MAN2A1: variants seen among roughly 807,000 people sequenced by gnomAD.
MAN2A1 encodes the protein alpha-mannosidase 2.
A neutral mutation model predicts 142.6 loss-of-function variants in MAN2A1; 76 were observed. The observed-to-expected ratio is 0.53, with a 90% CI of 0.44 to 0.65. The LOEUF (loss-of-function observed/expected upper bound fraction) is 0.65. Among genes scored for constraint, MAN2A1 ranks in the 30% least tolerant of loss-of-function variants. The pLI is 0.00. For synonymous variants in MAN2A1, 559 were observed against 473.2 expected, an observed-to-expected ratio of 1.18 and a Z score of -2.35; for missense variants, 1,311 against 1,365.1, an observed-to-expected ratio of 0.96 and a Z score of 0.62.
intron 12 of MAN2A1, among the ~76,000 whole-genome samples, chr5:109,800,038 A>G (rs1223680140): frequency 1.3e-5 from 2 of 151,182 alleles, no homozygotes; most frequent in Non-Finnish European, 2.9e-5. Context: ...CAGTGAGTCA[A>G]GATTGCGCCA....
At chr5:109,758,436 A>T (rs944612121) in intron 5 of MAN2A1, among the ~76,000 whole-genome samples, 1 of 151,584 alleles carries the variant, frequency 6.6e-6, no homozygotes, top group African/African-American at 2.4e-5. Flanking sequence ...TCTTTGTTGG[A>T]TAGTGATTTA....
At chr5:109,823,106 T>C (rs1023190047) in intron 15 of MAN2A1, among the ~76,000 whole-genome samples, 5 of 152,234 alleles carry the variant, frequency 3.3e-5, no homozygotes, top group Non-Finnish European at 7.3e-5. Context: ...CCATGTCACA[T>C]AAGTTATGTG....
At chr5:109,819,604 T>C in intron 13 of MAN2A1, 65 bp from the exon 14 acceptor site, 2 of 968,006 alleles carry the variant, frequency 2.1e-6, no homozygotes, top group Non-Finnish European at 2.9e-6. Flanking sequence ...ACCAAAAATA[T>C]AAATGGTTTG....
intron 19 of MAN2A1, among the ~76,000 whole-genome samples, chr5:109,852,329 TTCA>T (rs1382422750): frequency 2.6e-5 from 4 of 152,174 alleles, no homozygotes; most frequent in African/African-American, 9.7e-5. Flanking sequence ...GTGTTCTTCT[TTCA>T]TTTATTTATA....
At chr5:109,822,505 A>G (rs1754652880) in intron 15 of MAN2A1, among the ~76,000 whole-genome samples, 1 of 152,084 alleles carries the variant, frequency 6.6e-6, no homozygotes, top group South Asian at 2.1e-4. Flanking sequence ...GTGCATCAGA[A>G]AAAGGCAAGA....
At chr5:109,813,530 G>A (rs192176950) in intron 12 of MAN2A1, among the ~76,000 whole-genome samples, 1 of 152,350 alleles carries the variant, frequency 6.6e-6, no homozygotes, top group Non-Finnish European at 1.5e-5. Context: ...CCCCACAGGG[G>A]TTGCCCATGC....
intron 13 of MAN2A1, among the ~76,000 whole-genome samples, chr5:109,818,254 C>T (rs1420159241): frequency 2.0e-5 from 3 of 152,218 alleles, no homozygotes; most frequent in African/African-American, 7.2e-5. Flanking sequence ...GATTCTCCTG[C>T]CTCAGCCTCC....
intron 16 of MAN2A1, among the ~76,000 whole-genome samples, chr5:109,824,222 T>C (rs1462986124): frequency 6.6e-6 from 1 of 152,226 alleles, no homozygotes; most frequent in African/African-American, 2.4e-5. Context: ...AAATATAGCC[T>C]GTATCACTGG....
At position 109,716,611 on chromosome 5, in the gene MAN2A1, A is replaced by G. The variant is rs570063707; in HGVS notation, c.535+347A>G. On this transcript the variant is annotated intron_variant, in intron 3 of 21. Transcript: ENST00000261483. ...AAATTATTTCATGTCTATGAGGTCTACTTTTAGAAAAGGCAGAATACTCAT... is the reference window on the plus strand; with the variant it reads ...AAATTATTTCATGTCTATGAGGTCTGCTTTTAGAAAAGGCAGAATACTCAT... Among the ~76,000 whole-genome samples the G allele has an allele frequency of 1.2e-4, 18 of 152,366 alleles. 1 individual carries two copies. The South Asian group carries it at 3.5e-3, about 30-fold the overall frequency.
At chr5:109,705,942 A>C (rs1263718712) in intron 1 of MAN2A1, among the ~76,000 whole-genome samples, 1 of 152,144 alleles carries the variant, frequency 6.6e-6, no homozygotes, top group Non-Finnish European at 1.5e-5. Context: ...GCCTACTCAG[A>C]TATTCTAGGG....
At chr5:109,833,841 G>T (rs1396581528) in intron 16 of MAN2A1, among the ~76,000 whole-genome samples, 1 of 152,126 alleles carries the variant, frequency 6.6e-6, no homozygotes, top group Non-Finnish European at 1.5e-5. Context: ...AAGATCTACT[G>T]CCTGACAACC....
intron 5 of MAN2A1, among the ~76,000 whole-genome samples, chr5:109,760,235 G>T (rs1752806379): frequency 6.6e-6 from 1 of 152,102 alleles, no homozygotes; most frequent in Admixed American, 6.6e-5. Context: ...AACATGCGGT[G>T]TTTGGTTTTC....
chr5:109,810,958 G>A (rs865956160), intron 12 of MAN2A1, among the ~76,000 whole-genome samples: 14 of 147,490 alleles, frequency 9.5e-5, no homozygotes, highest in Admixed American at 1.3e-4. Context: ...TTATATTTCT[G>A]TTGATTTATA....
intron 1 of MAN2A1, among the ~76,000 whole-genome samples, chr5:109,702,380 C>A (rs13171456): frequency 0.73 from 110,436 of 150,458 alleles, 41,581 homozygotes; most frequent in East Asian, 0.94. Context: ...ATGGGCAGCC[C>A]GGTGGTGGAG....
At chr5:109,738,465 C>T (rs991767920) in intron 4 of MAN2A1, among the ~76,000 whole-genome samples, 2 of 151,768 alleles carry the variant, frequency 1.3e-5, no homozygotes, top group African/African-American at 4.8e-5. Context: ...TTTTGTTGTT[C>T]GTTTGCTTGA....
intron 4 of MAN2A1, among the ~76,000 whole-genome samples, chr5:109,735,553 C>T (rs1752066292): frequency 6.6e-6 from 1 of 152,070 alleles, no homozygotes; most frequent in Non-Finnish European, 1.5e-5. Context: ...CAGGAGCCCA[C>T]TGTCTGGCAC....
At chr5:109,704,615 G>C (rs570953687) in intron 1 of MAN2A1, among the ~76,000 whole-genome samples, 11 of 152,238 alleles carry the variant, frequency 7.2e-5, no homozygotes, top group Middle Eastern at 6.8e-3. Flanking sequence ...AGGGTTACCT[G>C]TCATTTTATC....
At chr5:109,817,014 G>A (rs1423689102) in intron 12 of MAN2A1, among the ~76,000 whole-genome samples, 1 of 152,004 alleles carries the variant, frequency 6.6e-6, no homozygotes, top group East Asian at 1.9e-4. Context: ...GAAAAAATTA[G>A]CCAGATGTAG....
In MAN2A1 at chr5:109,827,937, C is replaced by T. The variant is rs538624001; in HGVS notation, c.2566+4100C>T. On this transcript the variant is annotated intron_variant, in intron 16 of 21. Transcript: ENST00000261483. The stretch of plus-strand genomic sequence containing the variant: ...TAACAAGGTGAAAGAAACCCCGTCT[C>T]TACTAAAAATACAAAAAGTTAGCTG... Among the ~76,000 whole-genome samples the T allele has an allele frequency of 1.3e-4, 20 of 152,106 alleles. No individual in the cohort carries two copies. In the Middle Eastern group the frequency reaches 0.01, roughly 78 times the overall value.
Sources: allele counts gnomAD v4.1 joint callset (sites outside exome capture counted in the v4.1 genomes callset), GRCh38; gene constraint gnomAD v4.1.1; transcripts MANE v1.5; gene names NCBI Gene and HGNC (gene_info 2026-07-23, HGNC 2026-07-21).